SLX9: variants seen among roughly 807,000 people sequenced by gnomAD.
SLX9 encodes the protein ribosome biogenesis protein SLX9 homolog.
Under a neutral mutation model 20.8 loss-of-function variants are expected in SLX9, and 19 were observed. That is an observed-to-expected ratio of 0.91 (90% confidence interval 0.64 to 1.34). The LOEUF (loss-of-function observed/expected upper bound fraction) is 1.34, where lower values mean the gene tolerates loss of function less well. Among genes scored for constraint, SLX9 ranks in the 40% most tolerant of loss-of-function variants. SLX9 has a pLI of 0.00. For synonymous variants in SLX9, 113 were observed against 137.1 expected (o/e 0.82, Z 1.23); for missense variants, 299 against 322.2 (o/e 0.93, Z 0.55).
intron 1 of SLX9, among the ~76,000 whole-genome samples, chr21:44,942,685 A>G (rs1568926553): frequency 6.6e-6 from 1 of 152,240 alleles, no homozygotes; most frequent in African/African-American, 2.4e-5. Context: ...TGGGAGCCTT[A>G]TAAGGAAATG....
chr21:44,945,709 TTTTG>T (rs142802731), intron 2 of SLX9, among the ~76,000 whole-genome samples: 3,721 of 152,228 alleles, frequency 0.024, 142 homozygotes, highest in African/African-American at 0.084. Flanking sequence ...TTTGTTTGTT[TTTTG>T]TTTGTTTGTT....
chr21:44,966,326 A>G (rs2085033394), intron 3 of SLX9, among the ~76,000 whole-genome samples: 1 of 151,850 alleles, frequency 6.6e-6, no homozygotes, highest in East Asian at 1.9e-4. Context: ...ACGAGCTGGC[A>G]GTGTTTGAGC....
intron 3 of SLX9, among the ~76,000 whole-genome samples, chr21:44,964,556 T>C (rs1156350706): frequency 2.6e-5 from 4 of 151,968 alleles, no homozygotes; most frequent in African/African-American, 9.7e-5. Context: ...AGCGCCTCTA[T>C]GCTCCACCAC....
At chr21:44,971,180 A>ACCCCCCACGCTCT (rs1568946269) in intron 4 of SLX9, among the ~76,000 whole-genome samples, 1 of 151,900 alleles carries the variant, frequency 6.6e-6, no homozygotes, top group African/African-American at 2.4e-5. Flanking sequence ...TCGGGAGGGG[A>ACCCCCCACGCTCT]GTGGTGGTGA....
intron 1 of SLX9, among the ~76,000 whole-genome samples, chr21:44,943,035 C>T (rs908194642): frequency 2.0e-5 from 3 of 152,106 alleles, no homozygotes; most frequent in Non-Finnish European, 4.4e-5. Context: ...GTATTCTGAC[C>T]CCCTTCAGAA....
Position 44,940,037 on chromosome 21 carries a change from T to C in SLX9, c.-21T>C. The C allele has an allele frequency of 7.0e-7, 1 of 1,424,346 alleles. No homozygotes were observed. Among genetic ancestry groups the C allele is most frequent in the Non-Finnish European group, 9.2e-7 (1 of 1,089,992 alleles). The allele number at this position is 1,424,346 out of a possible 1,614,324, so 88.2% of individuals were successfully genotyped here. A position where few individuals can be genotyped will look rare whatever the true frequency, so the allele number is the denominator to read the frequency against. ...AGCTTCCGGGAGGCGCTCCGCACGTTTGCCGTGCTCCGCCGGGAAGATGGG... is the reference window on the plus strand; with the variant it reads ...AGCTTCCGGGAGGCGCTCCGCACGTCTGCCGTGCTCCGCCGGGAAGATGGG... On this transcript the variant is annotated 5_prime_UTR_variant, in exon 1 of 6. Coordinates refer to ENST00000291634, the MANE Select transcript of SLX9 (RefSeq NM_058190.4).
intron 2 of SLX9, among the ~76,000 whole-genome samples, chr21:44,957,901 C>T (rs149488982): frequency 9.8e-5 from 15 of 152,348 alleles, no homozygotes; most frequent in East Asian, 3.9e-4. Context: ...GTGAGCCGCC[C>T]GTGCAGCAGG....
chr21:44,959,355 T>C lies in SLX9; in HGVS notation c.284-745T>C, dbSNP rs546764166. 7.5e-5 allele frequency: 52 copies of C among 692,440 alleles called. No homozygotes were observed. The African/African-American group carries it at 9.0e-4, about 12-fold the overall frequency. The allele number at this position is 692,440 out of a possible 1,614,324, so 42.9% of individuals were successfully genotyped here. On this transcript the variant is annotated intron_variant, in intron 2 of 5. Transcript: ENST00000291634. ...TCAGTTAAGGCCGAGGAAATGGGGG[T>C]GCCCTTGAGTCCACTCTGTTTCAGA...
chr21:44,960,589 G>C (rs1312335165), intron 3 of SLX9, among the ~76,000 whole-genome samples: 1 of 152,244 alleles, frequency 6.6e-6, no homozygotes, highest in Non-Finnish European at 1.5e-5. Flanking sequence ...GTTCAGAAGT[G>C]CCTGCAGTGG....
chr21:44,972,933 C>G (rs2085178901), intron 4 of SLX9: 1 of 567,954 alleles, frequency 1.8e-6, no homozygotes, highest in East Asian at 2.9e-5. Flanking sequence ...CCACACGGAG[C>G]AGCTTGGGGC....
chr21:44,975,342 G>A (rs2085242253), intron 5 of SLX9, among the ~76,000 whole-genome samples: 2 of 152,222 alleles, frequency 1.3e-5, no homozygotes, highest in South Asian at 4.1e-4. Flanking sequence ...TCTCTCAGGT[G>A]GGAGGCCCCG....
chr21:44,960,192 G>A lies in SLX9; in HGVS notation c.352+24G>A. The A allele has an allele frequency of 2.5e-6, 4 of 1,611,330 alleles. No homozygotes were observed. In the South Asian group the frequency reaches 3.3e-5, roughly 13 times the overall value. ...GAGTAAGTCCATGCCTGCGTCTTGAGGCAGCTGCCGGCCCAAGTCCCATCC... is the reference window on the plus strand; with the variant it reads ...GAGTAAGTCCATGCCTGCGTCTTGAAGCAGCTGCCGGCCCAAGTCCCATCC... On this transcript the variant is annotated intron_variant, in intron 3 of 5. Coordinates refer to ENST00000291634, the MANE Select transcript of SLX9 (RefSeq NM_058190.4).
rs866549679 is a variant in SLX9, at chr21:44,951,381, G to C, written c.283+7544G>C. Among the ~76,000 whole-genome samples the C allele has an allele frequency of 8.8e-4, 134 of 152,228 alleles. 1 individual carries two copies. The highest frequency in any genetic ancestry group is 1.4e-3 in the Non-Finnish European group (97 of 67,986). On this transcript the variant is annotated intron_variant, in intron 2 of 5. Transcript: ENST00000291634. ...TGCACAGCCTGGGAGGAAGCAGGGG[G>C]ACAGGCTGTGGATGTGGCCCTTGCC...
chr21:44,973,036 C>T (rs563348012), intron 4 of SLX9, 161 bp from the exon 5 acceptor site: 2 of 217,702 alleles, frequency 9.2e-6, no homozygotes, highest in Admixed American at 1.3e-4. Context: ...GGTCTCGCCT[C>T]CATGGCCACA....
chr21:44,959,908 T>C (rs757083439), intron 2 of SLX9, among the ~76,000 whole-genome samples, 192 bp from the exon 3 acceptor site: 7 of 152,174 alleles, frequency 4.6e-5, no homozygotes, highest in African/African-American at 9.7e-5. Context: ...GAGAGCCTCC[T>C]GAGGCCGGGC....
intron 2 of SLX9, among the ~76,000 whole-genome samples, chr21:44,953,723 G>A (rs1321952154): frequency 6.6e-6 from 1 of 152,174 alleles, no homozygotes; most frequent in Non-Finnish European, 1.5e-5. Context: ...CCCGCAGCCT[G>A]GGTTCCTCAG....
intron 5 of SLX9, 89 bp from the exon 6 acceptor site, chr21:44,976,591 T>A (rs2085267630): frequency 2.0e-6 from 3 of 1,513,250 alleles, no homozygotes; most frequent in Non-Finnish European, 2.7e-6. Context: ...GCCTCTGCCA[T>A]TCATTTCGGT....
intron 5 of SLX9, among the ~76,000 whole-genome samples, chr21:44,974,877 C>T (rs371437273): frequency 9.2e-4 from 140 of 152,348 alleles, no homozygotes; most frequent in African/African-American, 3.2e-3. Context: ...CAGCCTGGTC[C>T]GGGGAGCCCC....
chr21:44,976,172 G>A (rs996859909), intron 5 of SLX9, among the ~76,000 whole-genome samples: 14 of 152,368 alleles, frequency 9.2e-5, no homozygotes, highest in South Asian at 2.1e-4. Context: ...AGTGGCCGCC[G>A]GGCTGGGTGG....
Sources: gnomAD v4.1 joint callset for allele counts (sites outside exome capture counted in the v4.1 genomes callset) on GRCh38, gnomAD v4.1.1 for gene constraint, MANE v1.5 for transcripts, NCBI Gene and HGNC (gene_info 2026-07-23, HGNC 2026-07-21) for gene names.